ELOVL5: variants seen among roughly 807,000 people sequenced by gnomAD.
ELOVL5 encodes very long chain fatty acid elongase 5.
Under a neutral mutation model 38.6 loss-of-function variants are expected in ELOVL5, and 8 were observed. The ratio of observed to expected loss-of-function variants is 0.21; its 90% CI spans 0.12 to 0.37. The LOEUF (loss-of-function observed/expected upper bound fraction) is 0.37, where lower values mean the gene tolerates loss of function less well. Ranked by LOEUF, ELOVL5 falls within the 10% of genes least tolerant of loss-of-function variation. ELOVL5 has a pLI of 1.00. For missense variants in ELOVL5, 280 were observed against 367.8 expected (o/e 0.76, Z 1.95); for synonymous variants, 127 against 133.7 (o/e 0.95, Z 0.34).
intron 1 of ELOVL5, among the ~76,000 whole-genome samples, chr6:53,345,607 A>G (rs1284216530): frequency 6.6e-6 from 1 of 152,286 alleles, no homozygotes; most frequent in African/African-American, 2.4e-5. Context: ...AAGTCAATGA[A>G]TTAATTTAAA....
intron 3 of ELOVL5, among the ~76,000 whole-genome samples, chr6:53,288,971 C>T (rs1030006103): frequency 2.6e-5 from 4 of 152,082 alleles, no homozygotes; most frequent in African/African-American, 4.8e-5. Flanking sequence ...GAGGTTGAGG[C>T]GGGAGATCAG....
At chr6:53,287,253 A>T (rs1218916093) in intron 3 of ELOVL5, among the ~76,000 whole-genome samples, 2 of 152,226 alleles carry the variant, frequency 1.3e-5, no homozygotes, top group African/African-American at 2.4e-5. Context: ...GGAAACATAC[A>T]CAGATACTCA....
chr6:53,269,241 C>G lies in ELOVL5; in HGVS notation c.786G>C (p.Arg262Ser). ...TCTGGTGGTCCTTCAGGTGGTCTTT[C>G]CTTCGGGAGGCCCCTTTCTTGTTGT... ...QTYNKKGASR[R>S]KDHLKDHQNG... Residue 262 changes from arginine to serine, a missense_variant, in exon 8 of 8, where the codon AGG (arginine) becomes AGC (serine). Physicochemically the swap from Arg to Ser is moderately radical, Grantham distance 110. This residue lies in a region of ELOVL5 where 125 missense variants were observed against 158.9 expected (regional missense o/e 0.79). Coordinates refer to ENST00000304434, the MANE Select transcript of ELOVL5 (RefSeq NM_021814.5). 1 of 1,612,008 alleles carries G rather than the reference C, an allele frequency of 6.2e-7. No homozygotes were observed. Among genetic ancestry groups the G allele is most frequent in the East Asian group, 2.2e-5 (1 of 44,800 alleles).
intron 2 of ELOVL5, chr6:53,294,456 G>A: frequency 6.4e-7 from 1 of 1,550,578 alleles, no homozygotes; most frequent in Non-Finnish European, 8.7e-7. Context: ...ACTGTGTGAA[G>A]TGGGGGACCC....
rs543447222 is a variant in ELOVL5, at chr6:53,276,380, A to G, written c.247-124T>C. ...GCTGTGCTGAGCCAAGTTTGCTCTG[A>G]GAAAAAACAATTGTAGGCAAGTGTA... On this transcript the variant is annotated intron_variant, in intron 3 of 7. Transcript: ENST00000304434. 1.4e-5 allele frequency: 9 copies of G among 652,608 alleles called. No homozygotes were observed. In the South Asian group the frequency reaches 1.7e-4, roughly 12 times the overall value. 40.4% of individuals were successfully genotyped at this position (652,608 alleles called of 1,614,324 possible).
chr6:53,295,890 AAAAGG>A (rs1348798276), intron 1 of ELOVL5, among the ~76,000 whole-genome samples, 183 bp from the exon 2 acceptor site: 1 of 152,366 alleles, frequency 6.6e-6, no homozygotes, highest in East Asian at 1.9e-4. Context: ...CTTGAAGATC[AAAAGG>A]AAAGACACAA....
chr6:53,315,488 T>C (rs748797873), intron 1 of ELOVL5, among the ~76,000 whole-genome samples: 4 of 152,178 alleles, frequency 2.6e-5, no homozygotes, highest in Non-Finnish European at 5.9e-5. Flanking sequence ...TTAAAAAACC[T>C]AGTATCTAAG....
At chr6:53,296,332 A>G (rs1355513889) in intron 1 of ELOVL5, among the ~76,000 whole-genome samples, 1 of 152,208 alleles carries the variant, frequency 6.6e-6, no homozygotes, top group Non-Finnish European at 1.5e-5. Flanking sequence ...TCCTCTTTTG[A>G]GCACAAAGAG....
chr6:53,347,127 C>T (rs547361076), intron 1 of ELOVL5, among the ~76,000 whole-genome samples: 8 of 152,166 alleles, frequency 5.3e-5, no homozygotes, highest in Non-Finnish European at 1.2e-4. Context: ...TGTCGCTTTT[C>T]AGCAAAGTTC....
intron 6 of ELOVL5, among the ~76,000 whole-genome samples, chr6:53,272,737 C>G (rs1765970066): frequency 6.6e-6 from 1 of 152,152 alleles, no homozygotes; most frequent in African/African-American, 2.4e-5. Context: ...TCCTCACCAA[C>G]AGGTGCTCCA....
chr6:53,308,665 G>T (rs889826913), intron 1 of ELOVL5, among the ~76,000 whole-genome samples: 1 of 151,970 alleles, frequency 6.6e-6, no homozygotes, highest in African/African-American at 2.4e-5. Flanking sequence ...CCTGCTTTGG[G>T]AACCACTGCT....
chr6:53,330,731 C>T (rs921402933), intron 1 of ELOVL5, among the ~76,000 whole-genome samples: 2 of 151,954 alleles, frequency 1.3e-5, no homozygotes, highest in East Asian at 3.9e-4. Flanking sequence ...TTGTAATTAA[C>T]ACAACACAAA....
Position 53,326,802 on chromosome 6 carries a change from G to A in ELOVL5, c.-9+22015C>T, listed in dbSNP as rs115703003. On this transcript the variant is annotated intron_variant, in intron 1 of 7. Transcript: ENST00000304434. ...GCAAGTACGGTGACTCAGCCATACCGGCCTTCACGAGAAAGCAGAAAAAAA... is the reference window on the plus strand; with the variant it reads ...GCAAGTACGGTGACTCAGCCATACCAGCCTTCACGAGAAAGCAGAAAAAAA... Among the ~76,000 whole-genome samples, 820 of 152,218 alleles carry A rather than the reference G, an allele frequency of 5.4e-3. 9 individuals are homozygous for A. Among genetic ancestry groups the A allele is most frequent in the African/African-American group, 0.018 (730 of 41,530 alleles).
At chr6:53,298,307 C>T (rs998904491) in intron 1 of ELOVL5, among the ~76,000 whole-genome samples, 4 of 152,182 alleles carry the variant, frequency 2.6e-5, no homozygotes, top group Non-Finnish European at 4.4e-5. Flanking sequence ...GGACAAGCTG[C>T]TCACTGGGGA....
chr6:53,330,128 C>G (rs1295166998), intron 1 of ELOVL5, among the ~76,000 whole-genome samples: 1 of 152,164 alleles, frequency 6.6e-6, no homozygotes, highest in Admixed American at 6.5e-5. Context: ...TGGCCTACTA[C>G]ACATGCAGGC....
intron 4 of ELOVL5, among the ~76,000 whole-genome samples, chr6:53,275,545 G>A (rs1053544654): frequency 3.3e-5 from 5 of 152,140 alleles, no homozygotes; most frequent in African/African-American, 7.2e-5. Flanking sequence ...AAAAACATGA[G>A]GCTCAAGGTT....
intron 3 of ELOVL5, among the ~76,000 whole-genome samples, chr6:53,287,423 T>C (rs915271327): frequency 4.6e-5 from 7 of 152,132 alleles, no homozygotes; most frequent in East Asian, 3.9e-4. Flanking sequence ...GGGGAAAACA[T>C]TGTTTCATTC....
chr6:53,343,777 G>A (rs1054011477), intron 1 of ELOVL5, among the ~76,000 whole-genome samples: 2 of 152,168 alleles, frequency 1.3e-5, no homozygotes. Flanking sequence ...AATTACTTCA[G>A]TTTTAATAAA....
chr6:53,284,388 G>A (rs1766486146), intron 3 of ELOVL5, among the ~76,000 whole-genome samples: 1 of 151,896 alleles, frequency 6.6e-6, no homozygotes, highest in South Asian at 2.1e-4. Flanking sequence ...ATCCTCTAAG[G>A]TCCCTGGTAT....
Sources: allele counts gnomAD v4.1 joint callset (sites outside exome capture counted in the v4.1 genomes callset), GRCh38; gene constraint gnomAD v4.1.1; regional missense constraint gnomAD v4.1.1; transcripts MANE v1.5; gene names NCBI Gene and HGNC (gene_info 2026-07-23, HGNC 2026-07-21).